The following LYRM4 variants were observed in gnomAD, a reference collection of about 807,000 sequenced individuals.
LYRM4 encodes the protein LYR motif-containing protein 4.
A neutral mutation model predicts 11.7 loss-of-function variants in LYRM4; 9 were observed. The observed-to-expected ratio is 0.77, with a 90% CI of 0.46 to 1.34. The LOEUF (loss-of-function observed/expected upper bound fraction) is 1.34, where lower values mean the gene tolerates loss of function less well. LYRM4 is among the 40% of genes most tolerant of loss of function. The pLI, the probability that LYRM4 is intolerant of heterozygous loss-of-function variation, is 0.00. For missense variants in LYRM4, 133 were observed against 112.5 expected (o/e 1.18, Z -0.82); for synonymous variants, 42 against 40.4 (o/e 1.04, Z -0.15).
the LYRM4 span, among the ~76,000 whole-genome samples, chr6:5,044,455 C>T: frequency 1.3e-5 from 2 of 152,180 alleles, no homozygotes; most frequent in African/African-American, 4.8e-5. Flanking sequence ...TTTTAAACAG[C>T]TGGGAAACCT....
At chr6:5,057,220 G>T in the LYRM4 span, among the ~76,000 whole-genome samples, 2 of 152,000 alleles carry the variant, frequency 1.3e-5, no homozygotes, top group Non-Finnish European at 2.9e-5. Context: ...GAGACCTGGG[G>T]GCCCACGAGC....
At chr6:5,192,767 T>C (rs2127693904) in intron 2 of LYRM4, among the ~76,000 whole-genome samples, 1 of 152,354 alleles carries the variant, frequency 6.6e-6, no homozygotes, top group East Asian at 1.9e-4. Context: ...GGCCCGCGCC[T>C]GTAATCCCAG....
intron 1 of LYRM4, among the ~76,000 whole-genome samples, chr6:5,239,750 C>T (rs931884733): frequency 3.3e-5 from 5 of 152,182 alleles, no homozygotes; most frequent in African/African-American, 9.6e-5. Flanking sequence ...CAGCTGCAGG[C>T]TGTCAGGGTA....
At chr6:5,146,018 A>G (rs115833284) in intron 2 of LYRM4, among the ~76,000 whole-genome samples, 10 of 152,264 alleles carry the variant, frequency 6.6e-5, no homozygotes, top group African/African-American at 2.4e-4. Flanking sequence ...CATGATTGCA[A>G]TTCCTCTAGC....
chr6:5,128,978 T>A (rs1016748875), intron 2 of LYRM4, among the ~76,000 whole-genome samples: 1 of 152,210 alleles, frequency 6.6e-6, no homozygotes, highest in Non-Finnish European at 1.5e-5. Context: ...TCCTTACATA[T>A]GCGCTTGCTC....
At chr6:5,102,100 T>C (rs923169305), downstream of LYRM4, among the ~76,000 whole-genome samples, 1 of 151,672 alleles carries the variant, frequency 6.6e-6, no homozygotes, top group African/African-American at 2.4e-5. Flanking sequence ...GCCTGATTTT[T>C]TTTTTAAAGA....
chr6:5,229,302 G>A (rs1763092485), intron 1 of LYRM4, among the ~76,000 whole-genome samples: 1 of 152,164 alleles, frequency 6.6e-6, no homozygotes, highest in African/African-American at 2.4e-5. Flanking sequence ...AACTTGCCAA[G>A]CAAATGAAAA....
intron 2 of LYRM4, among the ~76,000 whole-genome samples, chr6:5,210,750 T>C (rs1350737524): frequency 6.6e-6 from 1 of 152,212 alleles, no homozygotes; most frequent in Non-Finnish European, 1.5e-5. Flanking sequence ...ACACCTCATA[T>C]AAATGGAATC....
At chr6:5,086,461 C>G in the LYRM4 span, 2 of 1,536,954 alleles carry the variant, frequency 1.3e-6, no homozygotes, top group Non-Finnish European at 1.7e-6. Context: ...CGTCGCGGTC[C>G]ACTTCGCTGT....
intron 2 of LYRM4, among the ~76,000 whole-genome samples, chr6:5,207,575 A>G (rs1017577647): frequency 1.3e-5 from 2 of 152,198 alleles, no homozygotes; most frequent in African/African-American, 4.8e-5. Context: ...AGGACAAGAC[A>G]AGCAGTGAGG....
intron 2 of LYRM4, among the ~76,000 whole-genome samples, chr6:5,170,485 T>C (rs1357903842): frequency 1.4e-5 from 1 of 71,840 alleles, no homozygotes; most frequent in South Asian, 3.2e-4. Flanking sequence ...TTATTTCTTT[T>C]ATTTATTTAT....
chr6:5,136,324 G>A (rs1757094574), intron 2 of LYRM4: 2 of 985,436 alleles, frequency 2.0e-6, no homozygotes, highest in Non-Finnish European at 2.4e-6. Flanking sequence ...TCTTCTAAAT[G>A]ATAACTTGTC....
chr6:5,047,806 A>G, the LYRM4 span, among the ~76,000 whole-genome samples: 1 of 152,252 alleles, frequency 6.6e-6, no homozygotes, highest in Non-Finnish European at 1.5e-5. Flanking sequence ...TAATACATAC[A>G]TGCTTGTTAC....
intron 1 of LYRM4, among the ~76,000 whole-genome samples, chr6:5,235,071 T>C (rs1296262669): frequency 6.6e-6 from 1 of 152,128 alleles, no homozygotes; most frequent in Non-Finnish European, 1.5e-5. Flanking sequence ...AGACAGTGCT[T>C]GGCCCCTTTC....
intron 1 of LYRM4, among the ~76,000 whole-genome samples, chr6:5,257,130 A>C (rs1764714418): frequency 6.6e-6 from 1 of 152,136 alleles, no homozygotes; most frequent in Admixed American, 6.5e-5. Flanking sequence ...CAGAAAATGC[A>C]AATCTGGTCA....
rs1287344295 is a variant in LYRM4, at chr6:5,228,920, C to T, written c.87-12182G>A. On this transcript the variant is annotated intron_variant, in intron 1 of 2. Transcript: ENST00000330636. The stretch of plus-strand genomic sequence containing the variant: ...TCGGGAGGCTGAGGCAGGAGAATGG[C>T]GTGAACCCGGGAGACAGAGCTTGCA... Among the ~76,000 whole-genome samples the T allele has an allele frequency of 6.6e-4, 95 of 144,842 alleles. 1 individual carries two copies. Among genetic ancestry groups the T allele is most frequent in the African/African-American group, 2.3e-3 (89 of 38,818 alleles).
chr6:5,091,559 A>C, the LYRM4 span, among the ~76,000 whole-genome samples: 6 of 152,186 alleles, frequency 3.9e-5, no homozygotes, highest in African/African-American at 1.4e-4. Context: ...CTTTTTGTGA[A>C]GTTTAGTTCT....
intron 1 of LYRM4, among the ~76,000 whole-genome samples, chr6:5,224,977 C>T (rs2127734624): frequency 7.2e-6 from 1 of 138,038 alleles, no homozygotes; most frequent in African/African-American, 2.8e-5. Flanking sequence ...GGCTGGGCGC[C>T]ATGGCTCAGG....
chr6:5,217,659 C>T (rs534547778), intron 1 of LYRM4, among the ~76,000 whole-genome samples: 2 of 152,252 alleles, frequency 1.3e-5, no homozygotes, highest in Non-Finnish European at 2.9e-5. Context: ...TGCCTTAATG[C>T]AATTACTGTT....
Sources: allele counts gnomAD v4.1 joint callset (sites outside exome capture counted in the v4.1 genomes callset), GRCh38; gene constraint gnomAD v4.1.1; transcripts MANE v1.5; gene names NCBI Gene and HGNC (gene_info 2026-07-23, HGNC 2026-07-21).